Variants in HS2ST1 observed in about 807,000 individuals in gnomAD.
HS2ST1 encodes heparan sulfate 2-O-sulfotransferase 1, also known as 2-O-sulfotransferase.
HS2ST1 carries 18 observed loss-of-function variants against 42.9 expected under a neutral mutation model. That is an observed-to-expected ratio of 0.42 (90% CI 0.29 to 0.62). The LOEUF is 0.62. Among genes scored for constraint, HS2ST1 ranks in the 20% least tolerant of loss-of-function variants. HS2ST1 has a pLI of 0.21. For synonymous variants in HS2ST1, 146 were observed against 152.9 expected, an observed-to-expected ratio of 0.95 and a Z score of 0.33; for missense variants, 334 against 433.8, an observed-to-expected ratio of 0.77 and a Z score of 2.04.
chr1:87,012,195 A>G (rs374605859), intron 1 of HS2ST1, among the ~76,000 whole-genome samples: 34 of 152,138 alleles, frequency 2.2e-4, no homozygotes, highest in Non-Finnish European at 3.5e-4. Context: ...TAGATTTTCT[A>G]TCACTGTCAA....
At chr1:86,990,834 ATATTTTTTTTT>A (rs1258819849) in intron 1 of HS2ST1, among the ~76,000 whole-genome samples, 23 of 18,212 alleles carry the variant, frequency 1.3e-3, no homozygotes, top group Non-Finnish European at 1.8e-3. Context: ...ATATATATAT[ATATTTTTTTTT>A]TTTTTTTTTT....
At chr1:87,059,529 A>T (rs1281119731) in intron 1 of HS2ST1, among the ~76,000 whole-genome samples, 1 of 152,260 alleles carries the variant, frequency 6.6e-6, no homozygotes, top group African/African-American at 2.4e-5. Flanking sequence ...AATAAAGCTC[A>T]AGAAAAAGGA....
intron 1 of HS2ST1, among the ~76,000 whole-genome samples, chr1:87,072,058 A>G (rs1281168232): frequency 6.6e-6 from 1 of 152,134 alleles, no homozygotes; most frequent in African/African-American, 2.4e-5. Flanking sequence ...TTGAATATAT[A>G]TATTTGAAGC....
chr1:87,082,475 T>C (rs1474733937), intron 2 of HS2ST1, among the ~76,000 whole-genome samples: 3 of 152,184 alleles, frequency 2.0e-5, no homozygotes, highest in Non-Finnish European at 2.9e-5. Context: ...ATGTCCACAT[T>C]AAATCTCAGC....
chr1:87,063,684 G>A, intron 1 of HS2ST1, among the ~76,000 whole-genome samples: 1 of 151,894 alleles, frequency 6.6e-6, no homozygotes, highest in East Asian at 1.9e-4. Flanking sequence ...GTATTTGCTG[G>A]GGCTTTCCAT....
At chr1:86,987,012 T>C (rs1648804207) in intron 1 of HS2ST1, among the ~76,000 whole-genome samples, 2 of 151,756 alleles carry the variant, frequency 1.3e-5, no homozygotes. Context: ...TTTCCCTCCC[T>C]GATTTCAGAG....
rs558828886 is a variant in HS2ST1, at chr1:87,021,790, A to G, written c.125-51144A>G. 1.6e-4 allele frequency among the ~76,000 whole-genome samples: 25 copies of G among 152,320 alleles called. No individual in the cohort carries two copies. The South Asian group carries it at 4.8e-3, about 29-fold the overall frequency. On this transcript the variant is annotated intron_variant, in intron 1 of 6. Transcript: ENST00000370550. The stretch of plus-strand genomic sequence containing the variant: ...CTTGGCCTCCCAAAGTGCTGAGATT[A>G]TAGGCATGAGCCACCAAGCCAAGCT...
intron 1 of HS2ST1, among the ~76,000 whole-genome samples, chr1:86,922,053 T>A (rs1660310745): frequency 6.6e-6 from 1 of 152,200 alleles, no homozygotes; most frequent in South Asian, 2.1e-4. Flanking sequence ...CTATTTGTTT[T>A]CTGTTTATCT....
chr1:87,064,721 T>C lies in HS2ST1; in HGVS notation c.125-8213T>C, dbSNP rs568409486. On this transcript the variant is annotated intron_variant, in intron 1 of 6. Transcript: ENST00000370550. ...TGTCATCCAGGCTGGAGCGCAGTGG[T>C]GTGAACATGGCTCACTGCAGCCTCA... Among the ~76,000 whole-genome samples the C allele has an allele frequency of 1.2e-3, 181 of 152,264 alleles. 1 individual carries two copies. The highest frequency in any genetic ancestry group is 4.1e-3 in the African/African-American group (170 of 41,544).
At chr1:87,008,517 G>C (rs893938802) in intron 1 of HS2ST1, among the ~76,000 whole-genome samples, 4 of 152,188 alleles carry the variant, frequency 2.6e-5, no homozygotes, top group Admixed American at 2.6e-4. Flanking sequence ...ATTTGCTTCA[G>C]TATCAGTTAT....
intron 1 of HS2ST1, among the ~76,000 whole-genome samples, chr1:87,017,065 G>C (rs1399579482): frequency 6.6e-6 from 1 of 152,048 alleles, no homozygotes; most frequent in Non-Finnish European, 1.5e-5. Flanking sequence ...TTTCTAGGCT[G>C]AGGCTGTAAA....
chr1:87,073,575 T>C (rs935615133), intron 2 of HS2ST1, among the ~76,000 whole-genome samples: 5 of 152,148 alleles, frequency 3.3e-5, no homozygotes, highest in African/African-American at 9.7e-5. Context: ...TAGATAGAGA[T>C]AGAGATAGAT....
intron 1 of HS2ST1, among the ~76,000 whole-genome samples, chr1:86,919,210 G>A (rs1660238341): frequency 6.6e-6 from 1 of 152,174 alleles, no homozygotes; most frequent in Admixed American, 6.5e-5. Flanking sequence ...CTTCCAAAAT[G>A]CTGGGATTAC....
At chr1:87,095,125 T>C (rs1652031211) in intron 4 of HS2ST1, among the ~76,000 whole-genome samples, 1 of 152,174 alleles carries the variant, frequency 6.6e-6, no homozygotes, top group African/African-American at 2.4e-5. Flanking sequence ...AACTCCTTAA[T>C]ATCTTTAACT....
chr1:86,947,937 A>G (rs1221339462), intron 1 of HS2ST1, among the ~76,000 whole-genome samples: 2 of 152,122 alleles, frequency 1.3e-5, no homozygotes. Context: ...GAAGAGAGAA[A>G]CAATGTAGGT....
Position 86,914,665 on chromosome 1 carries a change from G to T in HS2ST1, c.-372G>T. On this transcript the variant is annotated 5_prime_UTR_variant, in exon 1 of 7. Coordinates refer to ENST00000370550, the MANE Select transcript of HS2ST1 (RefSeq NM_012262.4). ...CGCAGCGCCGGTGGAGGGGCGCGCG[G>T]CCGCGAGCAAAGGAGGGAGGGAAGG... 4.5e-6 allele frequency: 1 copy of T among 224,160 alleles called. No individual in the cohort carries two copies. Among genetic ancestry groups the T allele is most frequent in the Admixed American group, 5.3e-5 (1 of 18,758 alleles). 13.9% of individuals were successfully genotyped at this position (224,160 alleles called of 1,614,324 possible).
At chr1:87,093,460 C>T (rs1557543744) in intron 4 of HS2ST1, among the ~76,000 whole-genome samples, 1 of 152,104 alleles carries the variant, frequency 6.6e-6, no homozygotes, top group Non-Finnish European at 1.5e-5. Flanking sequence ...CTAGCTCAAA[C>T]ATGACCACTT....
intron 1 of HS2ST1, among the ~76,000 whole-genome samples, chr1:86,922,583 A>C (rs1660323065): frequency 6.6e-6 from 1 of 151,964 alleles, no homozygotes; most frequent in Non-Finnish European, 1.5e-5. Context: ...ATAGTGTTTG[A>C]AGGATATTTT....
chr1:87,100,828 G>A (rs999033083), intron 5 of HS2ST1, among the ~76,000 whole-genome samples: 1 of 152,148 alleles, frequency 6.6e-6, no homozygotes, highest in Admixed American at 6.5e-5. Flanking sequence ...GGCTAAGGTA[G>A]GAAGAACACA....
Sources: allele counts gnomAD v4.1 joint callset (sites outside exome capture counted in the v4.1 genomes callset), GRCh38; gene constraint gnomAD v4.1.1; transcripts MANE v1.5; gene names NCBI Gene and HGNC (gene_info 2026-07-23, HGNC 2026-07-21).